The following FBXL4 variants were observed in gnomAD, a reference collection of about 807,000 sequenced individuals.
FBXL4 encodes F-box/LRR-repeat protein 4.
Under a neutral mutation model 58.9 loss-of-function variants are expected in FBXL4, and 40 were observed. That is an observed-to-expected ratio of 0.68 (90% CI 0.53 to 0.88). The LOEUF (loss-of-function observed/expected upper bound fraction) is 0.88. Ranked by LOEUF, FBXL4 falls within the 40% of genes least tolerant of loss-of-function variation. The probability of loss-of-function intolerance (pLI) is 0.00; values close to 1 mark genes in which losing one functional copy is unlikely to be tolerated. For missense variants in FBXL4, 676 were observed against 734.4 expected, an observed-to-expected ratio of 0.92 and a Z score of 0.92; for synonymous variants, 263 against 265.5, an observed-to-expected ratio of 0.99 and a Z score of 0.09.
chr6:98,890,807 T>A (rs912803862), intron 7 of FBXL4, among the ~76,000 whole-genome samples: 1 of 152,012 alleles, frequency 6.6e-6, no homozygotes, highest in Admixed American at 6.6e-5. Flanking sequence ...TAGTCCCAGC[T>A]ACTCGGGAGG....
intron 7 of FBXL4, among the ~76,000 whole-genome samples, chr6:98,895,176 T>C (rs1478877194): frequency 1.3e-5 from 2 of 152,232 alleles, no homozygotes; most frequent in African/African-American, 4.8e-5. Context: ...CTATATAAAC[T>C]ACTTACTTAA....
intron 1 of FBXL4, among the ~76,000 whole-genome samples, chr6:98,945,813 G>T (rs1156947401): frequency 6.6e-6 from 1 of 152,176 alleles, no homozygotes; most frequent in East Asian, 1.9e-4. Context: ...ACGGTGCAAA[G>T]TCAAAAGGCA....
Position 98,899,746 on chromosome 6 carries a change from G to A in FBXL4, c.1104-265C>T, listed in dbSNP as rs187191800. Among the ~76,000 whole-genome samples, 403 of 151,990 alleles carry A rather than the reference G, an allele frequency of 2.7e-3. 2 individuals carry two copies. The highest frequency in any genetic ancestry group is 9.3e-3 in the African/African-American group (384 of 41,452). Reference sequence around the variant, plus strand: ...TAAGTGGAAAATTAAGAAAGTAGAAGATATATTTTTCCCACTTACCTATAA... The same window carrying A: ...TAAGTGGAAAATTAAGAAAGTAGAAAATATATTTTTCCCACTTACCTATAA... On this transcript the variant is annotated intron_variant, in intron 6 of 9. Coordinates refer to ENST00000369244, the MANE Select transcript of FBXL4 (RefSeq NM_001278716.2).
At chr6:98,884,177 T>C (rs1434447693) in intron 7 of FBXL4, among the ~76,000 whole-genome samples, 1 of 152,126 alleles carries the variant, frequency 6.6e-6, no homozygotes, top group Non-Finnish European at 1.5e-5. Context: ...TTGCTGTAAA[T>C]TCTTTATATA....
chr6:98,924,331 C>T lies in FBXL4; in HGVS notation c.512+2146G>A, dbSNP rs192054069. On this transcript the variant is annotated intron_variant, in intron 4 of 9. Transcript: ENST00000369244. ...CAGCACTTTGGGAGGCCGAGGCAGGCGGATCACCTGAGGTCAAGAGTTCGA... is the reference window on the plus strand; with the variant it reads ...CAGCACTTTGGGAGGCCGAGGCAGGTGGATCACCTGAGGTCAAGAGTTCGA... Among the ~76,000 whole-genome samples, 32 of 152,226 alleles carry T rather than the reference C, an allele frequency of 2.1e-4. No individual in the cohort carries two copies. In the South Asian group the frequency reaches 3.1e-3, roughly 15 times the overall value.
chr6:98,911,966 C>T (rs967994325), intron 5 of FBXL4, among the ~76,000 whole-genome samples: 4 of 152,110 alleles, frequency 2.6e-5, no homozygotes, highest in African/African-American at 9.7e-5. Context: ...ATAACCAATA[C>T]AGAGAAGTAC....
intron 6 of FBXL4, among the ~76,000 whole-genome samples, chr6:98,900,918 ACTG>A (rs1771586293): frequency 6.6e-6 from 1 of 151,984 alleles, no homozygotes; most frequent in Non-Finnish European, 1.5e-5. Context: ...AACCCCTCTC[ACTG>A]CTGCTTCCTT....
intron 7 of FBXL4, chr6:98,898,739 G>A: frequency 2.0e-6 from 2 of 984,766 alleles, no homozygotes; most frequent in South Asian, 4.7e-5. Context: ...CACTATTACA[G>A]TAAAAGAGTT....
chr6:98,917,759 T>A, intron 4 of FBXL4, 40 bp from the exon 5 acceptor site: 1 of 1,444,236 alleles, frequency 6.9e-7, no homozygotes, highest in Non-Finnish European at 9.4e-7. Flanking sequence ...CAGTTTAGAA[T>A]GAGATCTACT....
chr6:98,924,330 G>A (rs1772692461), intron 4 of FBXL4, among the ~76,000 whole-genome samples: 1 of 152,168 alleles, frequency 6.6e-6, no homozygotes, highest in Non-Finnish European at 1.5e-5. Flanking sequence ...GCCGAGGCAG[G>A]CGGATCACCT....
At position 98,880,610 on chromosome 6, in the gene FBXL4, G is replaced by A; in HGVS notation, c.1332C>T (p.Leu444=). The A allele has an allele frequency of 1.2e-6, 2 of 1,613,870 alleles. No individual in the cohort carries two copies. The highest frequency in any genetic ancestry group is 1.7e-6 in the Non-Finnish European group (2 of 1,179,856). The change falls in exon 8 of 10, where the codon CTC becomes CTT. Residue 444 remains leucine, a synonymous_variant. Coordinates refer to ENST00000369244, the MANE Select transcript of FBXL4 (RefSeq NM_001278716.2). Reference sequence around the variant, plus strand: ...GCTCTGAACAGAAGTTCAAAATGCTGAGCAGTGCTGTTTGCTGCCATTAGG... The same window carrying A: ...GCTCTGAACAGAAGTTCAAAATGCTAAGCAGTGCTGTTTGCTGCCATTAGG... ...YRTKVEQTAL[L]SILNFCSELQ...
intron 7 of FBXL4, among the ~76,000 whole-genome samples, chr6:98,883,756 T>C (rs182785192): frequency 2.0e-5 from 3 of 151,638 alleles, no homozygotes; most frequent in African/African-American, 7.2e-5. Context: ...ACTGGTCTAT[T>C]TTCCATTCCC....
Position 98,871,726 on chromosome 6 carries a change from T to G in FBXL4, c.*2552A>C, listed in dbSNP as rs539112862. 2.6e-4 allele frequency: 40 copies of G among 152,372 alleles called. No individual in the cohort carries two copies. The highest frequency in any genetic ancestry group is 9.1e-4 in the African/African-American group (38 of 41,598). 9.4% of individuals were successfully genotyped at this position (152,372 alleles called of 1,614,324 possible). ...ACTGGTAGCAATGGTGAACTTCATTTGCTCTCATAGTTTCTGATAGATTAA... is the reference window on the plus strand; with the variant it reads ...ACTGGTAGCAATGGTGAACTTCATTGGCTCTCATAGTTTCTGATAGATTAA... On this transcript the variant is annotated 3_prime_UTR_variant, in exon 10 of 10. Transcript: ENST00000369244.
intron 8 of FBXL4, 151 bp from the exon 9 acceptor site, chr6:98,875,878 C>T (rs930115720): frequency 1.1e-5 from 8 of 742,922 alleles, no homozygotes; most frequent in East Asian, 5.4e-5. Flanking sequence ...ACTGACCTCA[C>T]GGATCTGCCA....
chr6:98,915,971 C>A (rs1772327449), intron 5 of FBXL4, among the ~76,000 whole-genome samples: 1 of 152,000 alleles, frequency 6.6e-6, no homozygotes, highest in Non-Finnish European at 1.5e-5. Flanking sequence ...AACAAATTGA[C>A]AAGAAAAAAA....
At chr6:98,947,292 AC>A (rs1343826904) in intron 1 of FBXL4, among the ~76,000 whole-genome samples, 2 of 152,360 alleles carry the variant, frequency 1.3e-5, no homozygotes, top group Non-Finnish European at 2.9e-5. Context: ...GCACCCCTAA[AC>A]CTAAACACAG....
chr6:98,897,218 T>C, intron 7 of FBXL4: 5 of 985,248 alleles, frequency 5.1e-6, no homozygotes, highest in Non-Finnish European at 6.0e-6. Context: ...CTTAGGCCCA[T>C]AAAATAGTAA....
chr6:98,937,322 A>G (rs1773258360), intron 1 of FBXL4, among the ~76,000 whole-genome samples: 1 of 152,150 alleles, frequency 6.6e-6, no homozygotes, highest in Admixed American at 6.5e-5. Context: ...AAATCTGAAT[A>G]TAACTTTTGA....
At chr6:98,878,864 G>C (rs1770748480) in intron 8 of FBXL4, among the ~76,000 whole-genome samples, 1 of 152,018 alleles carries the variant, frequency 6.6e-6, no homozygotes, top group Non-Finnish European at 1.5e-5. Flanking sequence ...AATGTCATCG[G>C]GTCCATCAAG....
Sources: allele counts gnomAD v4.1 joint callset (sites outside exome capture counted in the v4.1 genomes callset), GRCh38; gene constraint gnomAD v4.1.1; transcripts MANE v1.5; gene names NCBI Gene and HGNC (gene_info 2026-07-23, HGNC 2026-07-21).